PDE10A: variants seen among roughly 807,000 people sequenced by gnomAD.
The protein encoded by PDE10A is phosphodiesterase 10A, also known as cAMP and cAMP-inhibited cGMP 3',5'-cyclic phosphodiesterase 10A.
In PDE10A, 39 loss-of-function variants were observed where a neutral mutation model predicts 97.7. That is an observed-to-expected ratio of 0.40 (90% CI 0.31 to 0.52). The LOEUF (loss-of-function observed/expected upper bound fraction) is 0.52, where lower values mean the gene tolerates loss of function less well. PDE10A is among the 20% of genes least tolerant of loss of function. PDE10A has a pLI of 0.56. For synonymous variants in PDE10A, 371 were observed against 376.8 expected (o/e 0.98, Z 0.18); for missense variants, 731 against 1,047.8 (o/e 0.70, Z 4.17).
intron 1 of PDE10A, among the ~76,000 whole-genome samples, chr6:165,595,891 C>T (rs1199358205): frequency 6.6e-6 from 1 of 152,128 alleles, no homozygotes; most frequent in African/African-American, 2.4e-5. Flanking sequence ...TCCCAAAGGC[C>T]CCACATTCTA....
At chr6:165,868,633 A>G (rs1414208972) in intron 1 of PDE10A, among the ~76,000 whole-genome samples, 1 of 152,122 alleles carries the variant, frequency 6.6e-6, no homozygotes, top group Non-Finnish European at 1.5e-5. Context: ...AAAATTGAAG[A>G]GAAGGAAATT....
At chr6:165,965,238 C>T (rs1057274084) in intron 1 of PDE10A, among the ~76,000 whole-genome samples, 1 of 152,112 alleles carries the variant, frequency 6.6e-6, no homozygotes, top group African/African-American at 2.4e-5. Context: ...AGAGGGATGG[C>T]GAGGAGGTGG....
At chr6:165,826,059 G>T (rs544174674) in intron 1 of PDE10A, among the ~76,000 whole-genome samples, 1 of 152,140 alleles carries the variant, frequency 6.6e-6, no homozygotes. Context: ...TCTTTATCAC[G>T]CCAGGATGGC....
intron 18 of PDE10A, among the ~76,000 whole-genome samples, chr6:165,352,555 T>C (rs1418583365): frequency 6.6e-6 from 1 of 151,796 alleles, no homozygotes; most frequent in Admixed American, 6.6e-5. Context: ...TGAAACTAAG[T>C]TGGATATTTA....
intron 1 of PDE10A, among the ~76,000 whole-genome samples, chr6:165,713,459 G>A (rs929979050): frequency 4.6e-5 from 7 of 152,258 alleles, no homozygotes; most frequent in African/African-American, 1.7e-4. Flanking sequence ...TTTCACAAGT[G>A]TGTCGGGAAG....
intron 3 of PDE10A, among the ~76,000 whole-genome samples, chr6:165,474,951 T>C (rs982255692): frequency 1.3e-5 from 2 of 152,148 alleles, no homozygotes; most frequent in African/African-American, 2.4e-5. Context: ...CTACTGCTTT[T>C]TCGAGCTTCC....
intron 1 of PDE10A, among the ~76,000 whole-genome samples, chr6:165,653,254 C>A (rs1195652977): frequency 6.6e-6 from 1 of 152,196 alleles, no homozygotes; most frequent in South Asian, 2.1e-4. Context: ...ATGCTCGGCA[C>A]TGAGGTTAGG....
intron 1 of PDE10A, among the ~76,000 whole-genome samples, chr6:165,818,306 G>A (rs1211771178): frequency 6.6e-6 from 1 of 152,218 alleles, no homozygotes; most frequent in African/African-American, 2.4e-5. Flanking sequence ...TAGAAGAACA[G>A]TGACACTAAA....
chr6:165,458,502 A>G (rs1778094706), intron 3 of PDE10A, among the ~76,000 whole-genome samples: 1 of 152,168 alleles, frequency 6.6e-6, no homozygotes, highest in South Asian at 2.1e-4. Flanking sequence ...CAGCTTCCAG[A>G]GTTGTAATTT....
chr6:165,884,927 G>A (rs1390484571), intron 1 of PDE10A, among the ~76,000 whole-genome samples: 1 of 152,228 alleles, frequency 6.6e-6, no homozygotes, highest in East Asian at 1.9e-4. Flanking sequence ...GAAGAAGGGA[G>A]CAGTGGCGGT....
At chr6:165,745,537 G>A (rs1275616358) in intron 1 of PDE10A, among the ~76,000 whole-genome samples, 1 of 152,106 alleles carries the variant, frequency 6.6e-6, no homozygotes, top group Non-Finnish European at 1.5e-5. Context: ...TCATGACCCA[G>A]TTTGATTAGA....
chr6:165,892,997 C>T (rs1234937328), intron 1 of PDE10A, among the ~76,000 whole-genome samples: 1 of 152,160 alleles, frequency 6.6e-6, no homozygotes, highest in Non-Finnish European at 1.5e-5. Flanking sequence ...GATGGTCTCA[C>T]GTTCACACCT....
At chr6:165,537,183 C>G (rs973652934) in intron 2 of PDE10A, among the ~76,000 whole-genome samples, 6 of 151,882 alleles carry the variant, frequency 4.0e-5, no homozygotes, top group African/African-American at 1.4e-4. Flanking sequence ...AAGCCAAGCA[C>G]AGAAAGACAA....
chr6:165,537,675 G>T (rs559258349), intron 2 of PDE10A, among the ~76,000 whole-genome samples: 1 of 151,832 alleles, frequency 6.6e-6, no homozygotes, highest in Non-Finnish European at 1.5e-5. Flanking sequence ...AGATGAATTC[G>T]TATCAACTTT....
intron 2 of PDE10A, among the ~76,000 whole-genome samples, chr6:165,538,441 T>C (rs1460537691): frequency 1.3e-5 from 2 of 152,220 alleles, no homozygotes; most frequent in African/African-American, 2.4e-5. Flanking sequence ...TTTCAAATGA[T>C]TGTGGGTTCA....
intron 1 of PDE10A, among the ~76,000 whole-genome samples, chr6:165,736,043 G>C (rs1167721243): frequency 6.6e-6 from 1 of 152,192 alleles, no homozygotes. Context: ...TTATTCAGGA[G>C]TAATGGCAAA....
chr6:165,450,635 A>G (rs1791224249), intron 3 of PDE10A, among the ~76,000 whole-genome samples: 1 of 152,004 alleles, frequency 6.6e-6, no homozygotes, highest in Non-Finnish European at 1.5e-5. Context: ...ATCTCAGCTC[A>G]CTGCAACCTC....
intron 2 of PDE10A, 151 bp downstream of exon 2, chr6:165,543,289 C>G: frequency 1.9e-6 from 1 of 515,534 alleles, no homozygotes; most frequent in Non-Finnish European, 3.0e-6. Flanking sequence ...CTCTAACTTA[C>G]TTTATCTTTT....
intron 1 of PDE10A, among the ~76,000 whole-genome samples, chr6:165,760,768 G>A (rs1424811290): frequency 6.6e-6 from 1 of 152,268 alleles, no homozygotes; most frequent in East Asian, 1.9e-4. Flanking sequence ...TGAGAAAATC[G>A]AGTTCATAGA....
Sources: allele counts gnomAD v4.1 joint callset (sites outside exome capture counted in the v4.1 genomes callset), GRCh38; gene constraint gnomAD v4.1.1; transcripts MANE v1.5; gene names NCBI Gene and HGNC (gene_info 2026-07-23, HGNC 2026-07-21).